KTN1: variants seen among roughly 807,000 people sequenced by gnomAD.
KTN1 encodes the protein kinectin 1.
KTN1 carries 130 observed loss-of-function variants against 222.5 expected under a neutral mutation model. The observed-to-expected ratio is 0.58, with a 90% CI of 0.51 to 0.68. KTN1 has a LOEUF of 0.68. Ranked by LOEUF, KTN1 falls within the 30% of genes least tolerant of loss-of-function variation. The pLI is 0.00. For missense variants in KTN1, 1,508 were observed against 1,500.4 expected, an observed-to-expected ratio of 1.01 and a Z score of -0.08; for synonymous variants, 512 against 496.3, an observed-to-expected ratio of 1.03 and a Z score of -0.42.
chr14:55,630,225 C>T (rs2040362839), intron 7 of KTN1, 128 bp downstream of exon 7: 2 of 811,480 alleles, frequency 2.5e-6, no homozygotes, highest in African/African-American at 1.8e-5. Flanking sequence ...GAAGTTCACT[C>T]TGCGTCCTAA....
chr14:55,646,401 C>G (rs1171255463), intron 18 of KTN1, among the ~76,000 whole-genome samples: 1 of 149,774 alleles, frequency 6.7e-6, no homozygotes, highest in Non-Finnish European at 1.5e-5. Flanking sequence ...GTCTTTCTTT[C>G]TTTCTTCCTT....
At chr14:55,656,004 G>A (rs747864034) in intron 28 of KTN1, 38 bp from the exon 29 acceptor site, 1 of 1,246,140 alleles carries the variant, frequency 8.0e-7, no homozygotes, top group Non-Finnish European at 1.1e-6. Flanking sequence ...CCTTTTTTAT[G>A]TACTTTAGTT....
chr14:55,591,058 G>A (rs1204634245), intron 1 of KTN1, among the ~76,000 whole-genome samples: 1 of 149,700 alleles, frequency 6.7e-6, no homozygotes, highest in Non-Finnish European at 1.5e-5. Flanking sequence ...GTTTCCTGTT[G>A]GACATTGGGT....
At chr14:55,637,989 A>C in intron 12 of KTN1, 142 bp downstream of exon 12, 2 of 598,886 alleles carry the variant, frequency 3.3e-6, no homozygotes, top group South Asian at 4.9e-5. Flanking sequence ...TGAGTGCTAA[A>C]CACTTGCTAA....
At chr14:55,661,488 A>G (rs776169356) in intron 31 of KTN1, 34 bp from the exon 32 acceptor site, 2 of 1,159,306 alleles carry the variant, frequency 1.7e-6, no homozygotes, top group Non-Finnish European at 2.6e-6. Context: ...TGTTTACCTA[A>G]AATCTTGCTA....
chr14:55,596,240 A>G (rs1311319020), intron 1 of KTN1, among the ~76,000 whole-genome samples: 1 of 151,754 alleles, frequency 6.6e-6, no homozygotes, highest in African/African-American at 2.4e-5. Context: ...TTTTAGTAAC[A>G]TTGTCTGGAT....
intron 42 of KTN1, chr14:55,679,142 A>G (rs1045304744): frequency 1.2e-5 from 2 of 161,964 alleles, no homozygotes; most frequent in African/African-American, 4.8e-5. Flanking sequence ...AAATGAGTTA[A>G]TACATAAAAC....
At chr14:55,624,286 A>G (rs2039518787) in intron 5 of KTN1, among the ~76,000 whole-genome samples, 1 of 152,226 alleles carries the variant, frequency 6.6e-6, no homozygotes, top group East Asian at 1.9e-4. Flanking sequence ...CTTGTGCTGA[A>G]TAAAGACGAC....
intron 6 of KTN1, among the ~76,000 whole-genome samples, chr14:55,628,337 C>T (rs942252912): frequency 3.3e-5 from 5 of 152,140 alleles, no homozygotes; most frequent in African/African-American, 1.2e-4. Flanking sequence ...AATAGAAACA[C>T]AGAATTTGGT....
At chr14:55,625,755 G>T (rs2039733206) in intron 5 of KTN1, among the ~76,000 whole-genome samples, 1 of 152,068 alleles carries the variant, frequency 6.6e-6, no homozygotes, top group East Asian at 1.9e-4. Context: ...TAACATTCCA[G>T]AATTTCATTT....
intron 1 of KTN1, among the ~76,000 whole-genome samples, chr14:55,596,257 AAAAT>A (rs1382645012): frequency 1.3e-5 from 2 of 151,988 alleles, no homozygotes; most frequent in East Asian, 1.9e-4. Flanking sequence ...GGATTTACCT[AAAAT>A]AAATTCATCA....
rs1330648739 is a variant in KTN1 at position 55,661,586 on chromosome 14, G to C, written c.3064G>C (p.Val1022Leu). ...TGAGTTAGATTCTTTGAAGGATGCA[G>C]TTGAACACCAGAGGAAGAAAAACAA... Reference protein sequence around the residue: ...WNELDSLKDAVEHQRKKNNDL... With the variant: ...WNELDSLKDALEHQRKKNNDL... Residue 1022 changes from valine (V) to leucine (L), a missense_variant, in exon 32 of 44, where the codon GTT becomes CTT. Coordinates refer to ENST00000395314, the MANE Select transcript of KTN1 (RefSeq NM_001079521.2). The C allele has an allele frequency of 6.3e-7, 1 of 1,591,908 alleles. No individual in the cohort carries two copies. Among genetic ancestry groups the C allele is most frequent in the Non-Finnish European group, 8.6e-7 (1 of 1,160,470 alleles).
chr14:55,641,659 AATAAAAC>A, intron 17 of KTN1, 26 bp from the exon 18 acceptor site: 1 of 1,340,382 alleles, frequency 7.5e-7, no homozygotes. Context: ...CTTTTTTCTT[AATAAAAC>A]AGTAAATTGA....
chr14:55,640,792 A>AG (rs1373329647), intron 15 of KTN1, 141 bp from the exon 16 acceptor site: 10 of 690,912 alleles, frequency 1.4e-5, no homozygotes, highest in African/African-American at 7.3e-5. Context: ...CGAACAGCAA[A>AG]ACATGTTACA....
At chr14:55,653,448 C>A in intron 27 of KTN1, 111 bp from the exon 28 acceptor site, 1 of 747,238 alleles carries the variant, frequency 1.3e-6, no homozygotes, top group Non-Finnish European at 2.2e-6. Context: ...AAATTTACTG[C>A]ATATAATTAT....
chr14:55,639,086 A>G (rs1025746411), intron 12 of KTN1, 99 bp from the exon 13 acceptor site: 2 of 758,710 alleles, frequency 2.6e-6, no homozygotes, highest in Admixed American at 4.3e-5. Flanking sequence ...CAATTTATAT[A>G]CATTAACTTC....
Position 55,637,837 on chromosome 14 carries a change from TAGC to T in KTN1, c.1779_1781del (p.Ala594del), listed in dbSNP as rs765727219. 1 of 1,610,626 alleles carries T rather than the reference TAGC, an allele frequency of 6.2e-7. No individual in the cohort carries two copies. Among genetic ancestry groups the T allele is most frequent in the Non-Finnish European group, 8.5e-7 (1 of 1,177,526 alleles). Reference sequence around the variant, plus strand: ...CAAATTCAGCAGTTCCATTCCCAGATAGCAGCCCAGGTAATGATGCTTTCTTAT... The same window carrying T: ...CAAATTCAGCAGTTCCATTCCCAGATAGCCCAGGTAATGATGCTTTCTTAT... On this transcript the variant is annotated inframe_deletion, in exon 12 of 44. Transcript: ENST00000395314.
intron 1 of KTN1, among the ~76,000 whole-genome samples, chr14:55,604,185 T>G (rs2036402537): frequency 1.3e-5 from 2 of 152,154 alleles, no homozygotes; most frequent in Non-Finnish European, 1.5e-5. Context: ...CCTCATCAGT[T>G]TATCCTTTTG....
chr14:55,614,191 C>T (rs2038015692), intron 2 of KTN1, among the ~76,000 whole-genome samples: 1 of 152,046 alleles, frequency 6.6e-6, no homozygotes, highest in Admixed American at 6.6e-5. Context: ...TTAGGTTAGC[C>T]ATTGTTGAAG....
Sources: allele counts gnomAD v4.1 joint callset (sites outside exome capture counted in the v4.1 genomes callset), GRCh38; gene constraint gnomAD v4.1.1; transcripts MANE v1.5; gene names NCBI Gene and HGNC (gene_info 2026-07-23, HGNC 2026-07-21).